Variants in EPHA4 observed in about 807,000 individuals in gnomAD.
The protein encoded by EPHA4 is ephrin type-A receptor 4.
EPHA4 carries 19 observed loss-of-function variants against 108.3 expected under a neutral mutation model. The ratio of observed to expected loss-of-function variants is 0.18; its 90% CI spans 0.12 to 0.26. EPHA4 has a LOEUF of 0.26. Among genes scored for constraint, EPHA4 ranks in the 10% least tolerant of loss-of-function variants. The pLI is 1.00. For missense variants in EPHA4, 917 were observed against 1,254.0 expected, an observed-to-expected ratio of 0.73 and a Z score of 4.06; for synonymous variants, 449 against 455.5, an observed-to-expected ratio of 0.99 and a Z score of 0.18.
At chr2:221,541,671 C>A (rs1044436598) in intron 3 of EPHA4, among the ~76,000 whole-genome samples, 2 of 152,166 alleles carry the variant, frequency 1.3e-5, no homozygotes, top group African/African-American at 2.4e-5. Context: ...CTTTACCCAG[C>A]AAGGTAGGTG....
At chr2:221,548,851 T>C (rs1694080881) in intron 3 of EPHA4, among the ~76,000 whole-genome samples, 1 of 152,144 alleles carries the variant, frequency 6.6e-6, no homozygotes, top group South Asian at 2.1e-4. Flanking sequence ...AAGTTCATAA[T>C]TGAGATTAGC....
Sources: allele counts gnomAD v4.1 joint callset (sites outside exome capture counted in the v4.1 genomes callset), GRCh38; gene constraint gnomAD v4.1.1; transcripts MANE v1.5; gene names NCBI Gene and HGNC (gene_info 2026-07-23, HGNC 2026-07-21).